Variants in ZNF362 observed in about 807,000 individuals in gnomAD.
The protein encoded by ZNF362 is rotund homolog.
Under a neutral mutation model 42.9 loss-of-function variants are expected in ZNF362, and 11 were observed. The ratio of observed to expected loss-of-function variants is 0.26; its 90% CI spans 0.16 to 0.42. ZNF362 has a LOEUF of 0.42. ZNF362 is among the 20% of genes least tolerant of loss of function. ZNF362 has a pLI of 1.00. For synonymous variants in ZNF362, 255 were observed against 257.3 expected, an observed-to-expected ratio of 0.99 and a Z score of 0.09; for missense variants, 362 against 576.2, an observed-to-expected ratio of 0.63 and a Z score of 3.81.
the ZNF362 span, among the ~76,000 whole-genome samples, chr1:33,152,503 G>T: frequency 6.6e-6 from 1 of 151,186 alleles, no homozygotes; most frequent in African/African-American, 2.4e-5. Context: ...GGAGGCGGAG[G>T]TTGTGGTGAG....
chr1:33,211,270 C>T, the ZNF362 span, among the ~76,000 whole-genome samples: 1 of 152,050 alleles, frequency 6.6e-6, no homozygotes, highest in Non-Finnish European at 1.5e-5. Flanking sequence ...TGAATTTGAT[C>T]CTGCCATTAT....
chr1:33,181,293 G>T, the ZNF362 span: 1 of 1,551,938 alleles, frequency 6.4e-7, no homozygotes. This position sits in a 1 kb window ranked among gnomAD's most constrained non-coding sequence, Gnocchi z 6.5. Flanking sequence ...GCAGTCGCGG[G>T]CGCCCTGCGC....
At chr1:33,159,219 G>T in the ZNF362 span, among the ~76,000 whole-genome samples, 1 of 151,986 alleles carries the variant, frequency 6.6e-6, no homozygotes, top group Non-Finnish European at 1.5e-5. The surrounding 1 kb of genome is among the most constrained non-coding windows in gnomAD (Gnocchi z 4.2). Flanking sequence ...GAGGGTTACA[G>T]TAATATAAAG....
the ZNF362 span, among the ~76,000 whole-genome samples, chr1:33,229,072 C>T: frequency 2.0e-5 from 3 of 151,980 alleles, no homozygotes; most frequent in Non-Finnish European, 4.4e-5. Context: ...CATTTCCTTC[C>T]GCCTCTGTTC....
At position 33,274,973 on chromosome 1, in the gene ZNF362, C is replaced by T. The variant is rs368288496; in HGVS notation, c.39-1127C>T. 21 of 985,204 alleles carry T rather than the reference C, an allele frequency of 2.1e-5. No homozygotes were observed. The East Asian group carries it at 1.1e-3, about 53-fold the overall frequency. 61.0% of individuals were successfully genotyped at this position (985,204 alleles called of 1,614,324 possible). On this transcript the variant is annotated intron_variant, in intron 2 of 8. Transcript: ENST00000539719. Reference sequence around the variant, plus strand: ...TGTGTCCTTATTGAGGGTTTTCTCCCGAAGCCCTATAGCTACCATTCCAAT... The same window carrying T: ...TGTGTCCTTATTGAGGGTTTTCTCCTGAAGCCCTATAGCTACCATTCCAAT...
At chr1:33,147,729 T>C in the ZNF362 span, 1 of 1,607,136 alleles carries the variant, frequency 6.2e-7, no homozygotes, top group Non-Finnish European at 8.5e-7. This position sits in a 1 kb window ranked among gnomAD's most constrained non-coding sequence, Gnocchi z 8.1. Context: ...CGGCTGGCAC[T>C]GTGGGGGTTG....
intron 1 of ZNF362, among the ~76,000 whole-genome samples, chr1:33,259,048 C>G (rs1004189363): frequency 2.1e-4 from 32 of 152,076 alleles, no homozygotes; most frequent in Non-Finnish European, 8.8e-5. Context: ...AGAGGCCCAC[C>G]CCACCCAAAG....
the ZNF362 span, among the ~76,000 whole-genome samples, chr1:33,162,382 A>T: frequency 2.0e-5 from 3 of 152,230 alleles, no homozygotes; most frequent in Admixed American, 1.3e-4. Context: ...CTCTTCAGAG[A>T]TAACTTTCCT....
the ZNF362 span, among the ~76,000 whole-genome samples, chr1:33,250,545 G>C: frequency 0.011 from 1,732 of 152,220 alleles, 33 homozygotes; most frequent in African/African-American, 0.039. Flanking sequence ...ATGAGAATAC[G>C]TGGACACGTA....
At chr1:33,289,993 G>A (rs1646064552) in intron 6 of ZNF362, among the ~76,000 whole-genome samples, 1 of 152,206 alleles carries the variant, frequency 6.6e-6, no homozygotes, top group South Asian at 2.1e-4. Flanking sequence ...TGAGGAACAG[G>A]TGTTCCTGGT....
At chr1:33,279,273 C>T (rs1486811590) in intron 4 of ZNF362, among the ~76,000 whole-genome samples, 1 of 152,160 alleles carries the variant, frequency 6.6e-6, no homozygotes, top group Non-Finnish European at 1.5e-5. Context: ...GATACTCCTA[C>T]CTCAGCTTCC....
chr1:33,244,059 T>C, the ZNF362 span, among the ~76,000 whole-genome samples: 2 of 152,162 alleles, frequency 1.3e-5, no homozygotes, highest in Non-Finnish European at 2.9e-5. The surrounding 1 kb of genome is among the most constrained non-coding windows in gnomAD (Gnocchi z 4.0). Flanking sequence ...GGAAGCAGGA[T>C]TGAGGTTCCC....
the ZNF362 span, among the ~76,000 whole-genome samples, chr1:33,199,028 A>C: frequency 2.2e-4 from 34 of 152,334 alleles, no homozygotes; most frequent in Non-Finnish European, 3.5e-4. Context: ...AAAGAGCATC[A>C]GTGAGTCATG....
At chr1:33,151,356 C>T in the ZNF362 span, among the ~76,000 whole-genome samples, 3,456 of 152,180 alleles carry the variant, frequency 0.023, 51 homozygotes, top group Non-Finnish European at 0.035. Flanking sequence ...GACTTCTATA[C>T]CCCAAGGGGT....
the ZNF362 span, among the ~76,000 whole-genome samples, chr1:33,210,286 G>A: frequency 2.0e-5 from 3 of 152,324 alleles, no homozygotes; most frequent in South Asian, 6.2e-4. Flanking sequence ...TGTGGTCTGA[G>A]AGACAGTTTG....
At chr1:33,203,205 T>C in the ZNF362 span, among the ~76,000 whole-genome samples, 1 of 152,210 alleles carries the variant, frequency 6.6e-6, no homozygotes, top group Admixed American at 6.5e-5. Context: ...TGATTCCACA[T>C]ATAAGTGAGA....
chr1:33,195,360 C>T, the ZNF362 span: 1 of 152,168 alleles, frequency 6.6e-6, no homozygotes, highest in Admixed American at 6.5e-5. Flanking sequence ...ACCAGATTTA[C>T]CTTTTCACCT....
chr1:33,204,856 A>C, the ZNF362 span, among the ~76,000 whole-genome samples: 1 of 152,228 alleles, frequency 6.6e-6, no homozygotes, highest in Non-Finnish European at 1.5e-5. Context: ...AATCTATTGT[A>C]TTTCTATATA....
At chr1:33,209,630 C>G in the ZNF362 span, among the ~76,000 whole-genome samples, 1 of 152,146 alleles carries the variant, frequency 6.6e-6, no homozygotes, top group Non-Finnish European at 1.5e-5. Flanking sequence ...GGAGATTCAA[C>G]TTCTTCCTGG....
Sources: gnomAD v4.1 joint callset for allele counts (sites outside exome capture counted in the v4.1 genomes callset) on GRCh38, gnomAD v4.1.1 for gene constraint, Gnocchi (gnomAD v3.1) non-coding constraint, MANE v1.5 for transcripts, NCBI Gene and HGNC (gene_info 2026-07-23, HGNC 2026-07-21) for gene names.